Variants in CLUL1 observed in about 807,000 individuals in gnomAD.
The protein encoded by CLUL1 is clusterin like 1, also known as clusterin-like protein 1.
A neutral mutation model predicts 49.4 loss-of-function variants in CLUL1; 43 were observed. The observed-to-expected ratio is 0.87, with a 90% confidence interval of 0.68 to 1.12. The LOEUF (loss-of-function observed/expected upper bound fraction) is 1.12. Ranked by LOEUF, CLUL1 falls within the 50% of genes most tolerant of loss-of-function variation. The pLI is 0.00. For missense variants in CLUL1, 486 were observed against 544.4 expected (o/e 0.89, Z 1.07); for synonymous variants, 192 against 184.9 (o/e 1.04, Z -0.31).
chr18:644,824 C>A, intron 8 of CLUL1, 86 bp from the exon 9 acceptor site: 3 of 1,015,866 alleles, frequency 3.0e-6, no homozygotes, highest in Non-Finnish European at 2.9e-6. Flanking sequence ...CACAACCCAG[C>A]CTATCCTGAC....
At chr18:598,385 C>T (rs2072719039) in intron 1 of CLUL1, 1 of 393,078 alleles carries the variant, frequency 2.5e-6, no homozygotes, top group South Asian at 1.4e-4. Context: ...CCCAAGTCTT[C>T]CTCTCCAGTG....
Position 641,360 on chromosome 18 carries a change from T to G in CLUL1, c.1028T>G (p.Leu343Ter). ...CPDVPALHTE[L>*]DEAIRLVNVS... is the part of the protein sequence containing the mutation. Reference sequence around the variant, plus strand: ...GATGTACCTGCTCTGCACACAGAATTAGACGAGGCGATCAGGTTGGTCAAT... The same window carrying G: ...GATGTACCTGCTCTGCACACAGAATGAGACGAGGCGATCAGGTTGGTCAAT... Residue 343 changes from leucine to a stop codon, truncating the protein, a stop_gained, in exon 8 of 10, where the codon TTA becomes TGA. Coordinates refer to ENST00000692774, the MANE Select transcript of CLUL1 (RefSeq NM_001393344.1). LOFTEE classifies it high-confidence loss of function. 1.2e-6 allele frequency: 2 copies of G among 1,614,186 alleles called. No individual in the cohort carries two copies. The highest frequency in any genetic ancestry group is 1.7e-6 in the Non-Finnish European group (2 of 1,180,026).
At chr18:637,325 G>A (rs1180329202) in intron 7 of CLUL1, among the ~76,000 whole-genome samples, 1 of 152,030 alleles carries the variant, frequency 6.6e-6, no homozygotes, top group Non-Finnish European at 1.5e-5. Context: ...TCTCAAGTTA[G>A]TTGGGCTAGT....
At chr18:647,215 T>C (rs1296922055) in intron 9 of CLUL1, among the ~76,000 whole-genome samples, 2 of 149,664 alleles carry the variant, frequency 1.3e-5, no homozygotes, top group Non-Finnish European at 3.0e-5. Flanking sequence ...CTGAGGGTGC[T>C]GGGAAGTCCT....
chr18:635,883 C>G (rs151294963), intron 7 of CLUL1, among the ~76,000 whole-genome samples: 16,565 of 151,988 alleles, frequency 0.11, 1,131 homozygotes, highest in African/African-American at 0.18. Context: ...ATTACAGGCA[C>G]GCGCCACCAT....
Position 633,405 on chromosome 18 carries a change from T to C in CLUL1, c.964T>C (p.Cys322Arg). Residue 322 changes from cysteine to arginine, a missense_variant, in exon 7 of 10, where the codon TGC becomes CGC. Coordinates refer to ENST00000692774, the MANE Select transcript of CLUL1 (RefSeq NM_001393344.1). ...LSRCFKFHEK[C>R]QKCQAHLSED... ...AAGATGTTTCAAATTTCATGAAAAA[T>C]GCCAAAAATGTCAGGCTCACCTATC... 6.2e-7 allele frequency: 1 copy of C among 1,614,010 alleles called. No individual in the cohort carries two copies.
At position 644,957 on chromosome 18, in the gene CLUL1, A is replaced by T; in HGVS notation, c.1257A>T (p.Thr419=). 6.2e-7 allele frequency: 1 copy of T among 1,613,558 alleles called. No individual in the cohort carries two copies. Among genetic ancestry groups the T allele is most frequent in the Non-Finnish European group, 8.5e-7 (1 of 1,179,704 alleles). ...HEGNISKQDE[T]MMTDLSILPS... ...GAAATATTTCCAAACAAGATGAAACAATGATGACAGACTTAAGCATTCTGC... is the reference window on the plus strand; with the variant it reads ...GAAATATTTCCAAACAAGATGAAACTATGATGACAGACTTAAGCATTCTGC... Residue 419 remains threonine, a synonymous_variant, in exon 9 of 10, where the codon ACA becomes ACT. Coordinates refer to ENST00000692774, the MANE Select transcript of CLUL1 (RefSeq NM_001393344.1).
chr18:649,876 T>C, intron 9 of CLUL1, 22 bp from the exon 10 acceptor site: 2 of 1,351,604 alleles, frequency 1.5e-6, no homozygotes, highest in Non-Finnish European at 2.1e-6. Flanking sequence ...TGATCATTGC[T>C]GCCTTTTTTT....
At chr18:649,279 C>CCCT in intron 9 of CLUL1, among the ~76,000 whole-genome samples, 1 of 152,320 alleles carries the variant, frequency 6.6e-6, no homozygotes, top group Admixed American at 6.5e-5. Context: ...TGCAGGTATA[C>CCCT]AGCTCACTGA....
intron 8 of CLUL1, 112 bp from the exon 9 acceptor site, chr18:644,798 T>G: frequency 1.4e-6 from 1 of 692,580 alleles, no homozygotes; most frequent in African/African-American, 1.8e-5. Context: ...ATGCCAGGAC[T>G]AATCTGTTAC....
At chr18:626,919 GA>G (rs368034763) in intron 5 of CLUL1, among the ~76,000 whole-genome samples, 177 bp from the exon 6 acceptor site, 17,088 of 24,148 alleles carry the variant, frequency 0.71, 5,720 homozygotes, top group East Asian at 0.76. Context: ...AAGAAAGAAA[GA>G]AAGAAAGAAG....
At chr18:626,875 G>GA (rs1274372210) in intron 5 of CLUL1, among the ~76,000 whole-genome samples, 3 of 230 alleles carry the variant, frequency 0.013, no homozygotes, top group Non-Finnish European at 0.062. Flanking sequence ...AAGAAAGAAA[G>GA]AAAGAAAGAA....
intron 1 of CLUL1, among the ~76,000 whole-genome samples, chr18:600,292 T>C (rs918483084): frequency 6.6e-6 from 1 of 152,236 alleles, no homozygotes; most frequent in Admixed American, 6.5e-5. Flanking sequence ...TCAGTCTCTG[T>C]ATGATGTTTC....
chr18:639,110 T>A (rs2074249749), intron 7 of CLUL1, among the ~76,000 whole-genome samples: 2 of 151,764 alleles, frequency 1.3e-5, no homozygotes, highest in South Asian at 4.1e-4. Context: ...GCATTGTCAA[T>A]GTAGAATTTT....
At chr18:598,576 A>C in intron 1 of CLUL1, 1 of 398,600 alleles carries the variant, frequency 2.5e-6, no homozygotes, top group Non-Finnish European at 4.4e-6. Context: ...GATAATTTAC[A>C]ACACTGGTGA....
At chr18:601,769 A>T (rs2072837990) in intron 1 of CLUL1, among the ~76,000 whole-genome samples, 1 of 152,166 alleles carries the variant, frequency 6.6e-6, no homozygotes, top group Admixed American at 6.5e-5. Context: ...AGATCGTGCC[A>T]CTGCACTCCA....
intron 5 of CLUL1, among the ~76,000 whole-genome samples, chr18:626,870 A>G (rs1024931221): frequency 0.022 from 4 of 182 alleles, no homozygotes; most frequent in South Asian, 0.5. Flanking sequence ...CAAATAAGAA[A>G]GAAAGAAAGA....
rs150521924 is a variant in CLUL1, at chr18:642,899, A to G, written c.1209+1358A>G. On this transcript the variant is annotated intron_variant, in intron 8 of 9. Coordinates refer to ENST00000692774, the MANE Select transcript of CLUL1 (RefSeq NM_001393344.1). ...GCCATATCCTTGCTTAGCTTCTTTC[A>G]CTTCTCTAGTTTGCTTTCCTCATCC... Among the ~76,000 whole-genome samples, 11 of 152,230 alleles carry G rather than the reference A, an allele frequency of 7.2e-5. No individual in the cohort carries two copies. In the East Asian group the frequency reaches 2.1e-3, roughly 29 times the overall value.
rs543381581 is a variant in CLUL1 at position 614,260 on chromosome 18, T to A, written c.-13-3728T>A. ...TGTGAATAATTTTCTTTAAGTTTAT[T>A]AAATGAATGGCTGAATAAATGGACA... On this transcript the variant is annotated intron_variant, in intron 2 of 9. Coordinates refer to ENST00000692774, the MANE Select transcript of CLUL1 (RefSeq NM_001393344.1). 2.7e-5 allele frequency among the ~76,000 whole-genome samples: 4 copies of A among 150,650 alleles called. No homozygotes were observed. The South Asian group carries it at 8.4e-4, about 31-fold the overall frequency.
Sources: allele counts gnomAD v4.1 joint callset (sites outside exome capture counted in the v4.1 genomes callset), GRCh38; gene constraint gnomAD v4.1.1; transcripts MANE v1.5; gene names NCBI Gene and HGNC (gene_info 2026-07-23, HGNC 2026-07-21).